The following CNTN5 variants were observed in gnomAD, a reference collection of about 807,000 sequenced individuals.
CNTN5 encodes contactin 5, also known as contactin-5.
A neutral mutation model predicts 129.1 loss-of-function variants in CNTN5; 77 were observed. The ratio of observed to expected loss-of-function variants is 0.60; its 90% CI spans 0.50 to 0.72. The LOEUF (loss-of-function observed/expected upper bound fraction) is 0.72, where lower values mean the gene tolerates loss of function less well. CNTN5 is among the 30% of genes least tolerant of loss of function. The pLI, the probability that CNTN5 is intolerant of heterozygous loss-of-function variation, is 0.00. For synonymous variants in CNTN5, 509 were observed against 465.6 expected (o/e 1.09, Z -1.20); for missense variants, 1,478 against 1,328.8 (o/e 1.11, Z -1.75).
chr11:99,625,664 G>A (rs1283722205), intron 3 of CNTN5, among the ~76,000 whole-genome samples: 1 of 151,970 alleles, frequency 6.6e-6, no homozygotes, highest in East Asian at 1.9e-4. Flanking sequence ...AAATGACTAT[G>A]GAAGTACATC....
chr11:100,166,272 G>T (rs537835122), intron 13 of CNTN5, among the ~76,000 whole-genome samples: 13 of 151,738 alleles, frequency 8.6e-5, no homozygotes, highest in Admixed American at 6.6e-4. Context: ...AGAGATTTGG[G>T]CTTCATCTGA....
chr11:100,232,297 G>A (rs973091227), intron 16 of CNTN5, among the ~76,000 whole-genome samples: 1 of 152,190 alleles, frequency 6.6e-6, no homozygotes, highest in Non-Finnish European at 1.5e-5. Context: ...AAGAGCTACT[G>A]TGTGAAAACC....
intron 7 of CNTN5, among the ~76,000 whole-genome samples, chr11:99,925,307 CTTATT>C (rs1173514492): frequency 6.6e-6 from 1 of 152,146 alleles, no homozygotes; most frequent in African/African-American, 2.4e-5. Context: ...GCAGACTAAA[CTTATT>C]TTATTTCTGC....
At chr11:99,550,071 T>C (rs903242587) in intron 2 of CNTN5, among the ~76,000 whole-genome samples, 2 of 152,162 alleles carry the variant, frequency 1.3e-5, no homozygotes, top group African/African-American at 4.8e-5. Flanking sequence ...GAAAAACTGA[T>C]CTTCACTATG....
At chr11:99,243,409 A>G (rs1861658258) in intron 1 of CNTN5, among the ~76,000 whole-genome samples, 1 of 152,076 alleles carries the variant, frequency 6.6e-6, no homozygotes, top group Non-Finnish European at 1.5e-5. Flanking sequence ...TCTGTAGGTC[A>G]TCTATTTACT....
At chr11:99,287,899 AAAG>A (rs899069546) in intron 1 of CNTN5, among the ~76,000 whole-genome samples, 3 of 151,904 alleles carry the variant, frequency 2.0e-5, no homozygotes, top group African/African-American at 4.8e-5. Flanking sequence ...ATAAATGAAA[AAAG>A]AAGGAAAAAG....
intron 6 of CNTN5, among the ~76,000 whole-genome samples, chr11:99,910,953 G>A (rs1024050615): frequency 5.3e-5 from 8 of 152,172 alleles, no homozygotes; most frequent in Admixed American, 1.3e-4. Flanking sequence ...CACTTTGCAA[G>A]TGAGGCAGCA....
intron 2 of CNTN5, among the ~76,000 whole-genome samples, chr11:99,406,353 CCAAA>C (rs1377332172): frequency 1.3e-5 from 2 of 152,016 alleles, no homozygotes; most frequent in Non-Finnish European, 2.9e-5. Context: ...CTCTGGATTA[CCAAA>C]CAGACATTCT....
intron 3 of CNTN5, among the ~76,000 whole-genome samples, chr11:99,759,735 G>A (rs1944518147): frequency 6.6e-6 from 1 of 151,414 alleles, no homozygotes; most frequent in Admixed American, 6.6e-5. Context: ...GGGAAAGAGA[G>A]AAGGAGAGGG....
chr11:100,247,517 G>A (rs1232163595), intron 16 of CNTN5, among the ~76,000 whole-genome samples: 1 of 152,130 alleles, frequency 6.6e-6, no homozygotes, highest in East Asian at 1.9e-4. Flanking sequence ...CATGAGTAAC[G>A]TAATGGTGGT....
chr11:100,087,446 A>G (rs1361141167), intron 13 of CNTN5, among the ~76,000 whole-genome samples: 1 of 151,938 alleles, frequency 6.6e-6, no homozygotes, highest in Non-Finnish European at 1.5e-5. Context: ...ATTTCACAGT[A>G]TAGAAAAGAG....
chr11:99,645,259 CAACAAAAAAAA>C (rs1951913675), intron 3 of CNTN5, among the ~76,000 whole-genome samples: 1 of 67,912 alleles, frequency 1.5e-5, no homozygotes. Flanking sequence ...GGCTCCATCT[CAACAAAAAAAA>C]AAAAAAAAAA....
At chr11:99,540,679 T>A (rs10736550) in intron 2 of CNTN5, among the ~76,000 whole-genome samples, 59,648 of 151,848 alleles carry the variant, frequency 0.39, 11,935 homozygotes, top group Non-Finnish European at 0.42. Flanking sequence ...ATGAAGAGCA[T>A]CTTAAGTTTG....
chr11:99,844,729 A>G (rs1293143144), intron 4 of CNTN5, 123 bp from the exon 5 acceptor site: 2 of 845,664 alleles, frequency 2.4e-6, no homozygotes, highest in South Asian at 1.9e-5. Context: ...TCTTTTGGGA[A>G]TTTACCTGTT....
chr11:99,586,702 A>G (rs1949804323), intron 3 of CNTN5, among the ~76,000 whole-genome samples: 1 of 152,218 alleles, frequency 6.6e-6, no homozygotes, highest in African/African-American at 2.4e-5. Flanking sequence ...ATTGTATAGT[A>G]GATGTCTCTC....
At chr11:99,262,533 G>A (rs1195329957) in intron 1 of CNTN5, among the ~76,000 whole-genome samples, 1 of 150,696 alleles carries the variant, frequency 6.6e-6, no homozygotes, top group East Asian at 1.9e-4. Context: ...TCAAAATGTT[G>A]GCATAATTAA....
chr11:99,256,893 A>C (rs1402274998), intron 1 of CNTN5, among the ~76,000 whole-genome samples: 2 of 152,110 alleles, frequency 1.3e-5, no homozygotes, highest in Non-Finnish European at 2.9e-5. Context: ...GAACATATTA[A>C]AAAAAGGACA....
At chr11:99,124,558 T>A (rs1292141599) in intron 1 of CNTN5, among the ~76,000 whole-genome samples, 1 of 151,784 alleles carries the variant, frequency 6.6e-6, no homozygotes, top group Non-Finnish European at 1.5e-5. Context: ...CTAGAGGTAA[T>A]AGAGAAATAA....
chr11:100,056,384 T>C (rs1345012639), intron 9 of CNTN5, among the ~76,000 whole-genome samples: 1 of 151,568 alleles, frequency 6.6e-6, no homozygotes, highest in Non-Finnish European at 1.5e-5. Flanking sequence ...ATCTAACCAT[T>C]TGCCATTTAG....
Sources: allele counts gnomAD v4.1 joint callset (sites outside exome capture counted in the v4.1 genomes callset), GRCh38; gene constraint gnomAD v4.1.1; transcripts MANE v1.5; gene names NCBI Gene and HGNC (gene_info 2026-07-23, HGNC 2026-07-21).